Variants in SCGB3A1 observed in about 807,000 individuals in gnomAD.
The protein encoded by SCGB3A1 is cytokine HIN-1.
SCGB3A1 carries 7 observed loss-of-function variants against 7.6 expected under a neutral mutation model. The ratio of observed to expected loss-of-function variants is 0.93; its 90% CI spans 0.53 to 1.74. The LOEUF (loss-of-function observed/expected upper bound fraction) is 1.74. SCGB3A1 is among the 40% of genes most tolerant of loss of function. SCGB3A1 has a pLI of 0.00. For synonymous variants in SCGB3A1, 67 were observed against 66.6 expected (o/e 1.01, Z -0.03); for missense variants, 119 against 129.0 (o/e 0.92, Z 0.38).
At position 180,590,584 on chromosome 5, in the gene SCGB3A1, G is replaced by T. The variant is rs1326757228; in HGVS notation, c.291+16C>A. ...GGATGCCCGCGCAGGAAGGGCACCC[G>T]GGGTGCCCACTTTACCAGCAGGGCC... On this transcript the variant is annotated intron_variant, in intron 2 of 2. Transcript: ENST00000292641. 1 of 1,574,554 alleles carries T rather than the reference G, an allele frequency of 6.4e-7. No homozygotes were observed. The highest frequency in any genetic ancestry group is 1.7e-5 in the Admixed American group (1 of 57,924).
At chr5:180,590,862 A>G (rs1561677347) in intron 1 of SCGB3A1, 24 bp from the exon 2 acceptor site, 2 of 1,562,732 alleles carry the variant, frequency 1.3e-6, no homozygotes, top group East Asian at 4.6e-5. Flanking sequence ...GGGAGGGGTC[A>G]CCGCCTGCGC....
chr5:180,590,925 G>A, intron 1 of SCGB3A1, 87 bp from the exon 2 acceptor site: 1 of 990,122 alleles, frequency 1.0e-6, no homozygotes, highest in Non-Finnish European at 1.4e-6. Context: ...GAGGCGCCCA[G>A]GAACCGTCGC....
intron 2 of SCGB3A1, 80 bp downstream of exon 2, chr5:180,590,520 C>A: frequency 8.5e-7 from 1 of 1,180,456 alleles, no homozygotes; most frequent in South Asian, 1.5e-5. Context: ...GACGTAGGGC[C>A]GGGACACCTC....
rs780620005 is a variant in SCGB3A1, at chr5:180,590,237, A to G, written c.309T>C (p.Phe103=). The part of the protein sequence containing the change: ...LKALLGALTV[F]G ...TAGATGCTCCAGTCTCGGCTCAGCC[A>G]AACACTGTCAGGGCCCCCTGGAAAG... Residue 103 remains phenylalanine, a synonymous_variant, in exon 3 of 3, where the codon TTT becomes TTC. Coordinates refer to ENST00000292641, the MANE Select transcript of SCGB3A1 (RefSeq NM_052863.3). 6.3e-7 allele frequency: 1 copy of G among 1,583,020 alleles called. No individual in the cohort carries two copies. The highest frequency in any genetic ancestry group is 1.2e-5 in the South Asian group (1 of 86,274).
chr5:180,591,248 G>A (rs1581589015), intron 1 of SCGB3A1, 163 bp downstream of exon 1: 4 of 486,980 alleles, frequency 8.2e-6, no homozygotes, highest in Non-Finnish European at 9.5e-6. Flanking sequence ...AGAGGGGGAG[G>A]CCGCGGGCTG....
At chr5:180,590,432 GCCCCAC>G (rs1198117734) in intron 2 of SCGB3A1, among the ~76,000 whole-genome samples, 162 bp downstream of exon 2, 5 of 152,210 alleles carry the variant, frequency 3.3e-5, no homozygotes, top group Non-Finnish European at 7.3e-5. Context: ...GCTCGGATGC[GCCCCAC>G]CCAGTTCCCA....
rs967273494 is a variant in SCGB3A1, at chr5:180,590,765, G to A, written c.126C>T (p.Ala42=). 1.9e-6 allele frequency: 3 copies of A among 1,587,126 alleles called. No homozygotes were observed. Among genetic ancestry groups the A allele is most frequent in the African/African-American group, 1.3e-5 (1 of 74,196 alleles). ...GGGGGTTGGCCAGGGTCCCGGCCCCGGCCTCCGCCGCCGACTCCAGCGCAG... is the reference window on the plus strand; with the variant it reads ...GGGGGTTGGCCAGGGTCCCGGCCCCAGCCTCCGCCGCCGACTCCAGCGCAG... ...PVAALESAAE[A]GAGTLANPLG... is the part of the protein sequence containing the mutation. Residue 42 remains alanine, a synonymous_variant, in exon 2 of 3, where the codon GCC becomes GCT. Transcript: ENST00000292641.
At chr5:180,590,983 C>T in intron 1 of SCGB3A1, 145 bp from the exon 2 acceptor site, 1 of 605,168 alleles carries the variant, frequency 1.7e-6, no homozygotes, top group Non-Finnish European at 2.7e-6. Context: ...CCGAGGCCTG[C>T]CAGGTGCGAG....
Position 180,590,168 on chromosome 5 carries a change from G to A in SCGB3A1, c.*63C>T. ...GGGATGGACGGTCCTCCCCGCGGCG[G>A]GGTTTTCAGCCCTCGCGGGTGGGCA... On this transcript the variant is annotated 3_prime_UTR_variant, in exon 3 of 3. Transcript: ENST00000292641. The A allele has an allele frequency of 6.5e-7, 1 of 1,548,576 alleles. No homozygotes were observed. The highest frequency in any genetic ancestry group is 8.8e-7 in the Non-Finnish European group (1 of 1,140,238).
intron 2 of SCGB3A1, 143 bp downstream of exon 2, chr5:180,590,457 C>G: frequency 1.1e-6 from 1 of 937,868 alleles, no homozygotes; most frequent in South Asian, 1.7e-5. Flanking sequence ...CACCCGGAGA[C>G]CCGGGCTTCT....
rs1033341004 is a variant in SCGB3A1 at position 180,590,154 on chromosome 5, T to C, written c.*77A>G. ...GGGGCCGGGGGAAGGGGATGGACGG[T>C]CCTCCCCGCGGCGGGGTTTTCAGCC... is the stretch of plus-strand genomic sequence containing the variant. On this transcript the variant is annotated 3_prime_UTR_variant, in exon 3 of 3. Transcript: ENST00000292641. The C allele has an allele frequency of 1.4e-6, 2 of 1,480,798 alleles. No homozygotes were observed. Among genetic ancestry groups the C allele is most frequent in the African/African-American group, 1.4e-5 (1 of 72,258 alleles). The allele number at this position is 1,480,798 out of a possible 1,614,324, so 91.7% of individuals were successfully genotyped here. A position where few individuals can be genotyped will look rare whatever the true frequency, so the allele number is the denominator to read the frequency against.
chr5:180,590,290 C>G, intron 2 of SCGB3A1, 36 bp from the exon 3 acceptor site: 4 of 1,566,434 alleles, frequency 2.6e-6, no homozygotes, highest in Non-Finnish European at 3.5e-6. Flanking sequence ...TGCCCCCAGC[C>G]CTGCCACCAA....
At chr5:180,590,282 C>G in intron 2 of SCGB3A1, 28 bp from the exon 3 acceptor site, 1 of 1,568,876 alleles carries the variant, frequency 6.4e-7, no homozygotes, top group East Asian at 2.3e-5. Flanking sequence ...AGCTTGAGTG[C>G]CCCCAGCCCT....
Position 180,590,738 on chromosome 5 carries a change from G to C in SCGB3A1, c.153C>G (p.Leu51=). The change falls in exon 2 of 3, where the codon CTC becomes CTG. Residue 51 remains leucine (L), a synonymous_variant. Transcript: ENST00000292641. ...EAGAGTLANP[L]GTLNPLKLLL... ...GGAGCTTCAGCGGGTTGAGGGTGCC[G>C]AGGGGGTTGGCCAGGGTCCCGGCCC... 1 of 1,582,568 alleles carries C rather than the reference G, an allele frequency of 6.3e-7. No individual in the cohort carries two copies. The highest frequency in any genetic ancestry group is 8.6e-7 in the Non-Finnish European group (1 of 1,164,770).
Position 180,590,157 on chromosome 5 carries a change from T to A in SCGB3A1, c.*74A>T. 1 of 1,505,934 alleles carries A rather than the reference T, an allele frequency of 6.6e-7. No homozygotes were observed. The highest frequency in any genetic ancestry group is 9.1e-7 in the Non-Finnish European group (1 of 1,102,860). The allele number at this position is 1,505,934 out of a possible 1,614,324, so 93.3% of individuals were successfully genotyped here. On this transcript the variant is annotated 3_prime_UTR_variant, in exon 3 of 3. Coordinates refer to ENST00000292641, the MANE Select transcript of SCGB3A1 (RefSeq NM_052863.3). ...GCCGGGGGAAGGGGATGGACGGTCC[T>A]CCCCGCGGCGGGGTTTTCAGCCCTC...
intron 1 of SCGB3A1, chr5:180,591,132 G>A: frequency 4.7e-6 from 2 of 423,528 alleles, no homozygotes; most frequent in Non-Finnish European, 4.1e-6. Flanking sequence ...GGGGACACTC[G>A]CGCTGCGCCT....
intron 2 of SCGB3A1, 92 bp from the exon 3 acceptor site, chr5:180,590,346 G>T: frequency 6.7e-7 from 1 of 1,501,442 alleles, no homozygotes; most frequent in Non-Finnish European, 9.1e-7. Flanking sequence ...TGGGGAGCGG[G>T]AGCGGGGCGG....
In SCGB3A1 at chr5:180,590,269, C is replaced by T. The variant is rs529004193; in HGVS notation, c.292-15G>A. 7.6e-6 allele frequency: 12 copies of T among 1,574,728 alleles called. No homozygotes were observed. The South Asian group carries it at 1.4e-4, about 18-fold the overall frequency. On this transcript the variant is annotated splice_polypyrimidine_tract_variant and intron_variant, in intron 2 of 2. Transcript: ENST00000292641. ...GTCAGGGCCCCCTGGAAAGCAGAAG[C>T]CGAGCTTGAGTGCCCCCAGCCCTGC...
intron 1 of SCGB3A1, 39 bp downstream of exon 1, chr5:180,591,372 C>T: frequency 8.2e-7 from 1 of 1,216,398 alleles, no homozygotes; most frequent in Non-Finnish European, 1.0e-6. Flanking sequence ...GCCGAGGCCT[C>T]AGGCCCCACC....
Sources: allele counts gnomAD v4.1 joint callset (sites outside exome capture counted in the v4.1 genomes callset), GRCh38; gene constraint gnomAD v4.1.1; transcripts MANE v1.5; gene names NCBI Gene and HGNC (gene_info 2026-07-23, HGNC 2026-07-21).